TP53BP1: variants seen among roughly 807,000 people sequenced by gnomAD.
TP53BP1 encodes tumor protein p53 binding protein 1.
A neutral mutation model predicts 200.8 loss-of-function variants in TP53BP1; 61 were observed. The ratio of observed to expected loss-of-function variants is 0.30; its 90% CI spans 0.25 to 0.38. TP53BP1 has a LOEUF of 0.38. Ranked by LOEUF, TP53BP1 falls within the 10% of genes least tolerant of loss-of-function variation. TP53BP1 has a pLI of 1.00. For missense variants in TP53BP1, 2,144 were observed against 2,371.9 expected, an observed-to-expected ratio of 0.90 and a Z score of 2.00; for synonymous variants, 822 against 844.3, an observed-to-expected ratio of 0.97 and a Z score of 0.46.
chr15:43,427,893 G>T, intron 18 of TP53BP1, 123 bp downstream of exon 18: 1 of 677,768 alleles, frequency 1.5e-6, no homozygotes, highest in Non-Finnish European at 2.5e-6. Context: ...GGAGGCAGAG[G>T]CTGCAGTGAA....
In TP53BP1 at chr15:43,469,938, C is replaced by T. The variant is rs780994848; in HGVS notation, c.1309G>A (p.Ala437Thr). The part of the protein sequence containing the change: ...LLPESTVSPQ[A>T]STPISQSTPV... ...GTGCTCTGAGATATTGGTGTTGAGG[C>T]TTGTGGTGATACAGTGGACTCAGGC... The change falls in exon 11 of 28, where the codon GCC (alanine) becomes ACC (threonine). Residue 437 changes from alanine to threonine, a missense_variant. Coordinates refer to ENST00000382044, the MANE Select transcript of TP53BP1 (RefSeq NM_001141980.3). 5.6e-6 allele frequency: 9 copies of T among 1,613,952 alleles called. No individual in the cohort carries two copies. Among genetic ancestry groups the T allele is most frequent in the African/African-American group, 2.7e-5 (2 of 74,908 alleles).
chr15:43,474,831 G>T, intron 9 of TP53BP1, 64 bp from the exon 10 acceptor site: 1 of 1,213,912 alleles, frequency 8.2e-7, no homozygotes, highest in African/African-American at 1.5e-5. Flanking sequence ...TTCTGTATTT[G>T]CTTTTACTTT....
Position 43,492,092 on chromosome 15 carries a change from C to A in TP53BP1, c.196G>T (p.Val66Phe). The A allele has an allele frequency of 6.2e-7, 1 of 1,611,584 alleles. No individual in the cohort carries two copies. The highest frequency in any genetic ancestry group is 1.3e-5 in the African/African-American group (1 of 74,982). ...GCTGTTTGTTCAGGATTGGACACAA[C>A]ATCCTAGAAAATACACATACAAAAT... is the stretch of plus-strand genomic sequence containing the variant. Reference protein sequence around the residue: ...QTHKENPVLDVVSNPEQTAGE... With the variant: ...QTHKENPVLDFVSNPEQTAGE... The change falls in exon 3 of 28, where the codon GTT becomes TTT. Residue 66 changes from valine (V) to phenylalanine (F), a missense_variant. Around this residue, in one of 4 missense-constraint regions of TP53BP1, gnomAD observed 1,700 missense variants for 1,710.3 expected, o/e 0.99. Coordinates refer to ENST00000382044, the MANE Select transcript of TP53BP1 (RefSeq NM_001141980.3).
Position 43,416,326 on chromosome 15 carries a change from A to G in TP53BP1, c.4772T>C (p.Val1591Ala), listed in dbSNP as rs745871689. 6.2e-7 allele frequency: 1 copy of G among 1,614,230 alleles called. No homozygotes were observed. The highest frequency in any genetic ancestry group is 8.5e-7 in the Non-Finnish European group (1 of 1,180,040). ...GQRKWYKRMA[V>A]ILSLEQGNRL... is the part of the protein sequence containing the mutation. ...GTTTCCTTGCTCCAAGGACAGGATG[A>G]CAGCCATTCGCTTATACCACTTTCT... Residue 1591 changes from valine (V) to alanine (A), a missense_variant, in exon 22 of 28, where the codon GTC becomes GCC. Physicochemically the swap from Val to Ala is moderately conservative, Grantham distance 64. Coordinates refer to ENST00000382044, the MANE Select transcript of TP53BP1 (RefSeq NM_001141980.3).
intron 14 of TP53BP1, among the ~76,000 whole-genome samples, chr15:43,446,122 A>ACCCTATTC (rs2046036189): frequency 6.6e-6 from 1 of 152,160 alleles, no homozygotes; most frequent in Non-Finnish European, 1.5e-5. Flanking sequence ...AAAGTTTTCT[A>ACCCTATTC]CCCTATTCTG....
At chr15:43,480,760 G>T in intron 5 of TP53BP1, 135 bp downstream of exon 5, 2 of 1,015,170 alleles carry the variant, frequency 2.0e-6, no homozygotes, top group Non-Finnish European at 2.9e-6. Context: ...TAAATTACTA[G>T]CAAATTTCTT....
At chr15:43,443,446 C>T (rs1328258615) in intron 14 of TP53BP1, among the ~76,000 whole-genome samples, 1 of 152,170 alleles carries the variant, frequency 6.6e-6, no homozygotes, top group Non-Finnish European at 1.5e-5. Context: ...AATCCCAATA[C>T]TTTGAGAGGC....
intron 18 of TP53BP1, 100 bp from the exon 19 acceptor site, chr15:43,422,226 C>G (rs1595533966): frequency 1.5e-6 from 2 of 1,339,918 alleles, no homozygotes; most frequent in Non-Finnish European, 2.0e-6. Flanking sequence ...AATTATAATT[C>G]AAAAAGGTGA....
chr15:43,498,475 T>C (rs1271070203), intron 1 of TP53BP1, among the ~76,000 whole-genome samples: 1 of 151,950 alleles, frequency 6.6e-6, no homozygotes, highest in African/African-American at 2.4e-5. Flanking sequence ...TGAGAAAAAA[T>C]CAGATAAATC....
At chr15:43,412,919 CCACT>C in intron 24 of TP53BP1, among the ~76,000 whole-genome samples, 196 bp downstream of exon 24, 1 of 152,300 alleles carries the variant, frequency 6.6e-6, no homozygotes, top group Middle Eastern at 3.4e-3. Flanking sequence ...TTTTCAGGAA[CCACT>C]CACTGAGAGG....
Position 43,442,187 on chromosome 15 carries a change from G to A in TP53BP1, c.3041-604C>T, listed in dbSNP as rs1408141316. ...TGCAAGCTCTGCCTCCCGGGTTCAC[G>A]CCATTCTCCTGCCTCAGCCTCCCCA... On this transcript the variant is annotated intron_variant, in intron 14 of 27. Coordinates refer to ENST00000382044, the MANE Select transcript of TP53BP1 (RefSeq NM_001141980.3). Among the ~76,000 whole-genome samples, 6 of 147,866 alleles carry A rather than the reference G, an allele frequency of 4.1e-5. No individual in the cohort carries two copies. The East Asian group carries it at 1.2e-3, about 30-fold the overall frequency.
chr15:43,430,955 A>G (rs2045654493), intron 17 of TP53BP1, among the ~76,000 whole-genome samples: 1 of 152,124 alleles, frequency 6.6e-6, no homozygotes. Context: ...GCATATTCAG[A>G]TTGCCGGCAT....
intron 11 of TP53BP1, 62 bp downstream of exon 11, chr15:43,469,796 A>G: frequency 7.6e-7 from 1 of 1,320,776 alleles, no homozygotes; most frequent in South Asian, 1.2e-5. Context: ...TGTAAATTAT[A>G]CCCCAATAAT....
intron 11 of TP53BP1, among the ~76,000 whole-genome samples, 194 bp downstream of exon 11, chr15:43,469,664 A>G (rs1022070933): frequency 1.3e-4 from 20 of 152,290 alleles, no homozygotes; most frequent in Admixed American, 1.0e-3. Context: ...ATAAAAAAAA[A>G]TCAAGATGTT....
chr15:43,476,323 C>T (rs1365685829), intron 8 of TP53BP1, among the ~76,000 whole-genome samples: 2 of 152,168 alleles, frequency 1.3e-5, no homozygotes, highest in Admixed American at 1.3e-4. Context: ...TGCTTAGCTG[C>T]TCTTCTTTCT....
intron 23 of TP53BP1, 131 bp from the exon 24 acceptor site, chr15:43,413,465 CAGAAACCAA>C (rs1230305445): frequency 1.4e-5 from 10 of 699,012 alleles, no homozygotes; most frequent in Non-Finnish European, 2.1e-5. Context: ...TTATCTGAGC[CAGAAACCAA>C]AGACCATTCC....
In TP53BP1 at chr15:43,456,064, A is replaced by T. The variant is rs761628501; in HGVS notation, c.2544T>A (p.Pro848=). 6.2e-7 allele frequency: 1 copy of T among 1,614,218 alleles called. No individual in the cohort carries two copies. The change falls in exon 12 of 28, where the codon CCT becomes CCA. Residue 848 remains proline, a synonymous_variant. Coordinates refer to ENST00000382044, the MANE Select transcript of TP53BP1 (RefSeq NM_001141980.3). The part of the protein sequence containing the change: ...PSLPLVRADD[P]LRLDQELQQP... ...GCTGCAACTCCTGGTCAAGTCTTAA[A>T]GGATCATCTGCTCTCACTAAAGGTA...
In TP53BP1 at chr15:43,420,698, T is replaced by C. The variant is rs778456993; in HGVS notation, c.4288A>G (p.Ile1430Val). The C allele has an allele frequency of 1.2e-6, 2 of 1,614,118 alleles. No homozygotes were observed. Among genetic ancestry groups the C allele is most frequent in the Non-Finnish European group, 1.7e-6 (2 of 1,180,010 alleles). Residue 1430 changes from isoleucine (I) to valine (V), a missense_variant, in exon 21 of 28, where the codon ATT (isoleucine) becomes GTT (valine). Ile to Val is a conservative substitution (Grantham distance 29). Transcript: ENST00000382044. The stretch of plus-strand genomic sequence containing the variant: ...TCATCTGGTGACAAGTTAGGTGAAA[T>C]GTCCTCTATGCCCAAGGGGCCAGGC... ...AVPGPLGIEDISPNLSPDDKS... is the reference protein window; with the variant it reads ...AVPGPLGIEDVSPNLSPDDKS...
chr15:43,440,895 T>G (rs1051075674), intron 15 of TP53BP1, among the ~76,000 whole-genome samples: 7 of 151,776 alleles, frequency 4.6e-5, no homozygotes, highest in Non-Finnish European at 7.4e-5. Context: ...TCTCAAAAAA[T>G]AAAAAAGAAA....
Sources: gnomAD v4.1 joint callset for allele counts (sites outside exome capture counted in the v4.1 genomes callset) on GRCh38, gnomAD v4.1.1 for gene constraint, gnomAD v4.1.1 regional missense constraint, MANE v1.5 for transcripts, NCBI Gene and HGNC (gene_info 2026-07-23, HGNC 2026-07-21) for gene names.